XYLT1: variants seen among roughly 807,000 people sequenced by gnomAD.
XYLT1 encodes beta-D-xylosyltransferase 1.
A neutral mutation model predicts 91.3 loss-of-function variants in XYLT1; 36 were observed. The observed-to-expected ratio is 0.39, with a 90% CI of 0.30 to 0.52. The LOEUF (loss-of-function observed/expected upper bound fraction) is 0.52. Ranked by LOEUF, XYLT1 falls within the 20% of genes least tolerant of loss-of-function variation. The probability of loss-of-function intolerance (pLI) is 0.68; values close to 1 mark genes in which losing one functional copy is unlikely to be tolerated. For missense variants in XYLT1, 1,242 were observed against 1,284.5 expected, an observed-to-expected ratio of 0.97 and a Z score of 0.51; for synonymous variants, 588 against 532.0, an observed-to-expected ratio of 1.11 and a Z score of -1.45.
intron 5 of XYLT1, among the ~76,000 whole-genome samples, chr16:17,168,873 GCTCTCCATCAT>G (rs1173166678): frequency 6.6e-6 from 1 of 152,078 alleles, no homozygotes; most frequent in Non-Finnish European, 1.5e-5. Flanking sequence ...ACCTTCAGCG[GCTCTCCATCAT>G]CTGAAGGACA....
At chr16:17,272,253 C>T (rs2033908285) in intron 2 of XYLT1, among the ~76,000 whole-genome samples, 1 of 145,954 alleles carries the variant, frequency 6.9e-6, no homozygotes, top group Non-Finnish European at 1.5e-5. Context: ...CCTCGGCCTC[C>T]AAGGTTCAAC....
intron 1 of XYLT1, among the ~76,000 whole-genome samples, chr16:17,434,401 C>A (rs1378388477): frequency 6.6e-6 from 1 of 152,242 alleles, no homozygotes; most frequent in Admixed American, 6.5e-5. Flanking sequence ...GTTATCCACA[C>A]AATGCCTTTC....
At chr16:17,149,784 G>T (rs1265923999) in intron 6 of XYLT1, among the ~76,000 whole-genome samples, 1 of 152,150 alleles carries the variant, frequency 6.6e-6, no homozygotes, top group East Asian at 1.9e-4. Context: ...CTAACCTTAG[G>T]CAACTTTAAT....
intron 1 of XYLT1, among the ~76,000 whole-genome samples, chr16:17,377,207 G>C (rs2035614265): frequency 1.9e-5 from 2 of 107,952 alleles, no homozygotes; most frequent in Admixed American, 1.7e-4. Flanking sequence ...GTACTATTCT[G>C]GGTCTTGTTT....
chr16:17,291,108 T>C (rs1284237658), intron 2 of XYLT1, among the ~76,000 whole-genome samples: 1 of 152,130 alleles, frequency 6.6e-6, no homozygotes, highest in Non-Finnish European at 1.5e-5. Flanking sequence ...TTAACTTTTT[T>C]TTGGCAGCGA....
At chr16:17,367,484 C>A (rs1401865439) in intron 1 of XYLT1, among the ~76,000 whole-genome samples, 1 of 152,192 alleles carries the variant, frequency 6.6e-6, no homozygotes, top group Non-Finnish European at 1.5e-5. Context: ...TTGCTGTGGT[C>A]ACCAAGATGG....
At chr16:17,186,648 T>C (rs1458970071) in intron 5 of XYLT1, among the ~76,000 whole-genome samples, 2 of 152,040 alleles carry the variant, frequency 1.3e-5, no homozygotes, top group East Asian at 3.9e-4. Context: ...TTGACCCGGC[T>C]GAGAAGCACA....
At chr16:17,282,086 G>A (rs1330911045) in intron 2 of XYLT1, among the ~76,000 whole-genome samples, 1 of 152,178 alleles carries the variant, frequency 6.6e-6, no homozygotes, top group Admixed American at 6.5e-5. Flanking sequence ...AATAATGATG[G>A]TAGTACTAAG....
At chr16:17,131,131 ATAGC>A (rs2030454142) in intron 9 of XYLT1, among the ~76,000 whole-genome samples, 1 of 152,176 alleles carries the variant, frequency 6.6e-6, no homozygotes, top group Non-Finnish European at 1.5e-5. Flanking sequence ...CTGACACACG[ATAGC>A]TACTCAATCA....
intron 2 of XYLT1, among the ~76,000 whole-genome samples, chr16:17,263,281 C>T (rs965990800): frequency 6.6e-6 from 1 of 152,100 alleles, no homozygotes; most frequent in African/African-American, 2.4e-5. Flanking sequence ...TCTCCCTCCA[C>T]CCCCCACGGC....
intron 1 of XYLT1, among the ~76,000 whole-genome samples, chr16:17,378,116 A>G (rs1170470322): frequency 7.3e-6 from 1 of 137,622 alleles, no homozygotes; most frequent in African/African-American, 2.6e-5. Context: ...GCTTATTCTC[A>G]ATAAATGTTC....
At chr16:17,431,986 A>T (rs1480409644) in intron 1 of XYLT1, among the ~76,000 whole-genome samples, 1 of 152,146 alleles carries the variant, frequency 6.6e-6, no homozygotes, top group Non-Finnish European at 1.5e-5. Flanking sequence ...TCAAGGCCCC[A>T]GTGAGGGTCT....
intron 2 of XYLT1, among the ~76,000 whole-genome samples, chr16:17,275,854 C>T (rs1026751813): frequency 5.3e-5 from 8 of 152,112 alleles, no homozygotes; most frequent in Non-Finnish European, 8.8e-5. Flanking sequence ...GGGCCCTATC[C>T]CCCACACACA....
In XYLT1 at chr16:17,470,552, C is replaced by A; in HGVS notation, c.245G>T (p.Gly82Val). 1 of 1,217,572 alleles carries A rather than the reference C, an allele frequency of 8.2e-7. No homozygotes were observed. The allele number at this position is 1,217,572 out of a possible 1,614,324, so 75.4% of individuals were successfully genotyped here. ...TCCTCCTCCTCCTCCGCCGCCGCCT[C>A]CTCCTCCTCCTCGGGCTGCAGCCGG... is the stretch of plus-strand genomic sequence containing the variant. ...AEPAAARGGG[G>V]GGGGGGGGRG... is the part of the protein sequence containing the mutation. The change falls in exon 1 of 12, where the codon GGA (glycine) becomes GTA (valine). Residue 82 changes from glycine to valine, a missense_variant. Transcript: ENST00000261381.
intron 3 of XYLT1, among the ~76,000 whole-genome samples, chr16:17,220,828 T>C (rs2032954362): frequency 2.0e-5 from 3 of 152,200 alleles, no homozygotes; most frequent in Non-Finnish European, 4.4e-5. Flanking sequence ...ATAAAATCAT[T>C]TGCTTGTCTC....
intron 1 of XYLT1, among the ~76,000 whole-genome samples, chr16:17,421,076 C>A (rs1000602569): frequency 4.6e-5 from 7 of 152,256 alleles, no homozygotes; most frequent in South Asian, 2.1e-4. Flanking sequence ...ATTTCTACTC[C>A]GCCAGCTTGT....
At chr16:17,344,909 C>A (rs1001543508) in intron 2 of XYLT1, among the ~76,000 whole-genome samples, 1 of 152,088 alleles carries the variant, frequency 6.6e-6, no homozygotes, top group Admixed American at 6.6e-5. Flanking sequence ...CCATGTTGGC[C>A]AGGCTGGTCT....
chr16:17,196,368 T>C (rs1376146349), intron 5 of XYLT1, among the ~76,000 whole-genome samples: 1 of 152,258 alleles, frequency 6.6e-6, no homozygotes, highest in African/African-American at 2.4e-5. Flanking sequence ...AGCATCATTG[T>C]GATGCTGTCT....
intron 1 of XYLT1, among the ~76,000 whole-genome samples, chr16:17,422,856 T>C (rs1341728616): frequency 6.6e-6 from 1 of 152,138 alleles, no homozygotes; most frequent in Admixed American, 6.5e-5. Context: ...AGATCTTCCT[T>C]GGGGTCACTG....
Sources: gnomAD v4.1 joint callset for allele counts (sites outside exome capture counted in the v4.1 genomes callset) on GRCh38, gnomAD v4.1.1 for gene constraint, MANE v1.5 for transcripts, NCBI Gene and HGNC (gene_info 2026-07-23, HGNC 2026-07-21) for gene names.